The following GRID2 variants were observed in gnomAD, a reference collection of about 807,000 sequenced individuals.
GRID2 encodes glutamate ionotropic receptor delta type subunit 2.
GRID2 carries 33 observed loss-of-function variants against 114.8 expected under a neutral mutation model. That is an observed-to-expected ratio of 0.29 (90% CI 0.22 to 0.38). The LOEUF (loss-of-function observed/expected upper bound fraction) is 0.38. GRID2 is among the 10% of genes least tolerant of loss of function. The pLI, the probability that GRID2 is intolerant of heterozygous loss-of-function variation, is 1.00. For missense variants in GRID2, 1,184 were observed against 1,257.7 expected (o/e 0.94, Z 0.89); for synonymous variants, 505 against 449.9 (o/e 1.12, Z -1.55).
chr4:92,796,360 A>G (rs576047202), intron 2 of GRID2, among the ~76,000 whole-genome samples: 1 of 152,046 alleles, frequency 6.6e-6, no homozygotes, highest in Non-Finnish European at 1.5e-5. Context: ...TTCCTGATTC[A>G]GGGACAATCA....
intron 3 of GRID2, among the ~76,000 whole-genome samples, chr4:93,087,282 C>T (rs1044674731): frequency 6.6e-6 from 1 of 151,844 alleles, no homozygotes; most frequent in Non-Finnish European, 1.5e-5. Flanking sequence ...CATCGTGATC[C>T]ACCCACCTCG....
At chr4:92,713,484 T>TATAC (rs1735370557) in intron 2 of GRID2, among the ~76,000 whole-genome samples, 1 of 98,376 alleles carries the variant, frequency 1.0e-5, no homozygotes, top group Non-Finnish European at 2.2e-5. Context: ...TACATATATA[T>TATAC]ATATATATAT....
At chr4:92,565,741 C>T (rs1175670416) in intron 1 of GRID2, among the ~76,000 whole-genome samples, 1 of 151,838 alleles carries the variant, frequency 6.6e-6, no homozygotes, top group Admixed American at 6.6e-5. Flanking sequence ...TCTTTTTCTC[C>T]CATGTTGTAT....
chr4:92,745,193 T>A (rs1480620288), intron 2 of GRID2, among the ~76,000 whole-genome samples: 1 of 152,202 alleles, frequency 6.6e-6, no homozygotes, highest in Non-Finnish European at 1.5e-5. Context: ...GATCATTGTT[T>A]TGGTAAACAT....
chr4:93,275,665 T>C (rs1371109687), intron 8 of GRID2, among the ~76,000 whole-genome samples: 1 of 151,954 alleles, frequency 6.6e-6, no homozygotes, highest in African/African-American at 2.4e-5. Flanking sequence ...ATTGCAATCC[T>C]AGTGGATGTG....
intron 1 of GRID2, among the ~76,000 whole-genome samples, chr4:92,416,629 C>T (rs928194130): frequency 3.9e-5 from 6 of 152,146 alleles, no homozygotes; most frequent in African/African-American, 1.4e-4. Flanking sequence ...TGTGGTTTGT[C>T]AATTATCCCA....
At chr4:92,597,577 A>C (rs896674773) in intron 2 of GRID2, among the ~76,000 whole-genome samples, 2 of 152,154 alleles carry the variant, frequency 1.3e-5, no homozygotes, top group Non-Finnish European at 2.9e-5. Flanking sequence ...CGTTCTGTGA[A>C]AGCTGTGTTT....
chr4:93,523,460 G>C (rs144617633), intron 13 of GRID2, among the ~76,000 whole-genome samples: 152 of 152,242 alleles, frequency 1.0e-3, no homozygotes, highest in Admixed American at 3.4e-3. Flanking sequence ...TCATAGAGCA[G>C]AGTAGAAGAA....
At chr4:93,779,065 T>C (rs1204598991), downstream of GRID2, among the ~76,000 whole-genome samples, 1 of 152,136 alleles carries the variant, frequency 6.6e-6, no homozygotes, top group Non-Finnish European at 1.5e-5. Flanking sequence ...TGAAAACCCC[T>C]CTCACATGTA....
chr4:93,758,968 A>G (rs1732984784), intron 14 of GRID2, among the ~76,000 whole-genome samples: 1 of 151,820 alleles, frequency 6.6e-6, no homozygotes, highest in Non-Finnish European at 1.5e-5. Context: ...TCCAATTGCA[A>G]TTATGCCCTC....
intron 8 of GRID2, among the ~76,000 whole-genome samples, chr4:93,379,459 C>T (rs528113144): frequency 1.3e-5 from 2 of 152,070 alleles, no homozygotes; most frequent in South Asian, 4.2e-4. Context: ...GAAAGTCAAA[C>T]GTAGACTGGA....
intron 2 of GRID2, among the ~76,000 whole-genome samples, chr4:92,933,116 A>G (rs1750370902): frequency 6.6e-6 from 1 of 150,836 alleles, no homozygotes; most frequent in African/African-American, 2.4e-5. Context: ...TAAGAATTAT[A>G]GAAAATGTGG....
intron 2 of GRID2, among the ~76,000 whole-genome samples, chr4:93,046,778 T>C (rs536083347): frequency 6.6e-6 from 1 of 152,092 alleles, no homozygotes; most frequent in East Asian, 1.9e-4. Flanking sequence ...CTTTTATGCC[T>C]TATGTCTTGT....
chr4:93,766,250 T>C (rs956731027), intron 14 of GRID2, among the ~76,000 whole-genome samples: 2 of 152,178 alleles, frequency 1.3e-5, no homozygotes, highest in African/African-American at 4.8e-5. Flanking sequence ...CTGGGTAGTT[T>C]ATAAAGAAAG....
chr4:92,849,897 T>C (rs140639375), intron 2 of GRID2, among the ~76,000 whole-genome samples: 20 of 151,716 alleles, frequency 1.3e-4, no homozygotes, highest in Non-Finnish European at 2.2e-4. Flanking sequence ...TCATGGGTTA[T>C]TACAGTAAAT....
intron 2 of GRID2, among the ~76,000 whole-genome samples, chr4:92,966,828 G>C (rs1448620916): frequency 2.0e-5 from 3 of 151,880 alleles, no homozygotes; most frequent in Non-Finnish European, 2.9e-5. Flanking sequence ...TAAAGGCTCT[G>C]TGTGTCTTTC....
intron 2 of GRID2, among the ~76,000 whole-genome samples, chr4:92,867,892 A>G (rs1744988545): frequency 6.6e-6 from 1 of 152,154 alleles, no homozygotes; most frequent in South Asian, 2.1e-4. Flanking sequence ...GCAAACTGCA[A>G]CTCACAGGGT....
In GRID2 at chr4:93,725,411, CT is replaced by C. The variant is rs1324280077; in HGVS notation, c.2361-43796del. Among the ~76,000 whole-genome samples, 9 of 152,244 alleles carry C rather than the reference CT, an allele frequency of 5.9e-5. No individual in the cohort carries two copies. The South Asian group carries it at 1.9e-3, about 32-fold the overall frequency. On this transcript the variant is annotated intron_variant, in intron 14 of 15. Coordinates refer to ENST00000282020, the MANE Select transcript of GRID2 (RefSeq NM_001510.4). Reference sequence around the variant, plus strand: ...TTGGACATTTGGGTTGGTTCCAAGTCTTTGCTATTGTGAACAGTGCCGCAAT... The same window carrying C: ...TTGGACATTTGGGTTGGTTCCAAGTCTTGCTATTGTGAACAGTGCCGCAAT...
At chr4:92,848,068 T>C (rs1347164662) in intron 2 of GRID2, among the ~76,000 whole-genome samples, 2 of 151,998 alleles carry the variant, frequency 1.3e-5, no homozygotes, top group Non-Finnish European at 2.9e-5. Context: ...AATTTACATC[T>C]ATATTGTGTC....
Sources: allele counts gnomAD v4.1 joint callset (sites outside exome capture counted in the v4.1 genomes callset), GRCh38; gene constraint gnomAD v4.1.1; transcripts MANE v1.5; gene names NCBI Gene and HGNC (gene_info 2026-07-23, HGNC 2026-07-21).